Variants in MACROD2 observed in about 807,000 individuals in gnomAD.
MACROD2 encodes the protein mono-ADP ribosylhydrolase 2, also known as ADP-ribose glycohydrolase MACROD2.
Under a neutral mutation model 70.4 loss-of-function variants are expected in MACROD2, and 36 were observed. That is an observed-to-expected ratio of 0.51 (90% confidence interval 0.39 to 0.68). MACROD2 has a LOEUF of 0.68. Among genes scored for constraint, MACROD2 ranks in the 30% least tolerant of loss-of-function variants. The pLI, the probability that MACROD2 is intolerant of heterozygous loss-of-function variation, is 0.00. For missense variants in MACROD2, 496 were observed against 538.4 expected (o/e 0.92, Z 0.78); for synonymous variants, 172 against 178.8 (o/e 0.96, Z 0.30).
intron 8 of MACROD2, among the ~76,000 whole-genome samples, chr20:15,521,448 T>A (rs1281642633): frequency 6.6e-6 from 1 of 152,250 alleles, no homozygotes; most frequent in African/African-American, 2.4e-5. Flanking sequence ...GAAGTTGTTT[T>A]AAGCTTGAAG....
At chr20:15,732,258 A>C (rs2050955555) in intron 8 of MACROD2, among the ~76,000 whole-genome samples, 1 of 152,076 alleles carries the variant, frequency 6.6e-6, no homozygotes, top group Admixed American at 6.5e-5. Flanking sequence ...AAACCCAAAT[A>C]TGCATCCTGT....
intron 5 of MACROD2, among the ~76,000 whole-genome samples, chr20:15,199,053 G>C (rs904661740): frequency 6.3e-5 from 9 of 143,122 alleles, no homozygotes; most frequent in Non-Finnish European, 1.4e-4. Context: ...TTTAGATAGT[G>C]GCAACTGGAC....
At chr20:15,174,870 A>T (rs1053235055) in intron 5 of MACROD2, among the ~76,000 whole-genome samples, 26 of 151,584 alleles carry the variant, frequency 1.7e-4, no homozygotes, top group African/African-American at 6.1e-4. Context: ...TTTTCTTGTA[A>T]ATTTGTTTGA....
At chr20:15,030,613 A>G (rs975978456) in intron 5 of MACROD2, among the ~76,000 whole-genome samples, 4 of 152,138 alleles carry the variant, frequency 2.6e-5, no homozygotes, top group Non-Finnish European at 5.9e-5. Flanking sequence ...TTCCAAAGGC[A>G]TCCAAACTGA....
At chr20:14,432,640 A>T (rs949844453) in intron 3 of MACROD2, among the ~76,000 whole-genome samples, 20 of 152,156 alleles carry the variant, frequency 1.3e-4, no homozygotes, top group Non-Finnish European at 2.2e-4. Flanking sequence ...AGAGGTTTAA[A>T]TATATTGAAG....
intron 8 of MACROD2, among the ~76,000 whole-genome samples, chr20:15,808,465 G>T (rs941892673): frequency 6.6e-6 from 1 of 152,014 alleles, no homozygotes; most frequent in African/African-American, 2.4e-5. Context: ...ATATGTTTTT[G>T]AATTCTACAT....
chr20:15,226,158 G>T (rs995858421), intron 5 of MACROD2, among the ~76,000 whole-genome samples: 3 of 152,090 alleles, frequency 2.0e-5, no homozygotes, highest in Non-Finnish European at 4.4e-5. Flanking sequence ...TCCTTCTTTT[G>T]ACTTTGAATA....
chr20:14,526,786 C>T (rs2085238886), intron 4 of MACROD2, among the ~76,000 whole-genome samples: 1 of 152,174 alleles, frequency 6.6e-6, no homozygotes, highest in East Asian at 1.9e-4. Flanking sequence ...GGCTCCAAAC[C>T]CACGACAGTG....
intron 5 of MACROD2, among the ~76,000 whole-genome samples, chr20:15,203,222 T>A (rs199984931): frequency 6.6e-6 from 1 of 152,288 alleles, no homozygotes; most frequent in East Asian, 1.9e-4. Flanking sequence ...ATTAGTATAA[T>A]TTTTAACAAC....
chr20:14,723,879 G>A (rs1309878410), intron 5 of MACROD2, among the ~76,000 whole-genome samples: 5 of 151,946 alleles, frequency 3.3e-5, no homozygotes, highest in South Asian at 2.1e-4. Context: ...GTTTCCATGT[G>A]AAATGAATTA....
chr20:14,366,955 G>C (rs1225005604), intron 3 of MACROD2, among the ~76,000 whole-genome samples: 1 of 152,092 alleles, frequency 6.6e-6, no homozygotes, highest in Non-Finnish European at 1.5e-5. Flanking sequence ...TTTTCTGTAT[G>C]TCTTATAGCC....
At chr20:15,403,408 G>T (rs1438531394) in intron 6 of MACROD2, among the ~76,000 whole-genome samples, 5 of 151,580 alleles carry the variant, frequency 3.3e-5, no homozygotes, top group Non-Finnish European at 7.4e-5. Context: ...GAGAGAGAGA[G>T]AGAGAAAGAG....
chr20:14,279,967 AC>A (rs1412323025), intron 3 of MACROD2, among the ~76,000 whole-genome samples: 1 of 152,094 alleles, frequency 6.6e-6, no homozygotes, highest in African/African-American at 2.4e-5. Flanking sequence ...TTTCTATCCT[AC>A]CCTATGGGAT....
At chr20:14,805,837 C>T (rs1704997754) in intron 5 of MACROD2, among the ~76,000 whole-genome samples, 1 of 152,002 alleles carries the variant, frequency 6.6e-6, no homozygotes, top group South Asian at 2.1e-4. Context: ...GTGTTTGCTA[C>T]CCAGTTCACA....
chr20:14,918,986 T>C (rs1282538756), intron 5 of MACROD2, among the ~76,000 whole-genome samples: 1 of 152,204 alleles, frequency 6.6e-6, no homozygotes, highest in East Asian at 1.9e-4. Context: ...TTAAACTGAA[T>C]GCTTTGATGA....
At chr20:15,150,372 T>C (rs1212533186) in intron 5 of MACROD2, among the ~76,000 whole-genome samples, 1 of 151,892 alleles carries the variant, frequency 6.6e-6, no homozygotes, top group African/African-American at 2.4e-5. Flanking sequence ...AGTGTACAGG[T>C]TGGGCACCAC....
chr20:14,234,087 G>A (rs1263852419), intron 3 of MACROD2, among the ~76,000 whole-genome samples: 1 of 152,144 alleles, frequency 6.6e-6, no homozygotes, highest in Non-Finnish European at 1.5e-5. Flanking sequence ...TAAATCAGTT[G>A]TAACAAATGT....
At chr20:15,331,847 A>G (rs2077996040) in intron 6 of MACROD2, among the ~76,000 whole-genome samples, 1 of 151,432 alleles carries the variant, frequency 6.6e-6, no homozygotes, top group African/African-American at 2.4e-5. Flanking sequence ...CTCTAGGGTA[A>G]TTTTCAGATG....
At chr20:15,644,123 T>C (rs2049504635) in intron 8 of MACROD2, among the ~76,000 whole-genome samples, 1 of 152,054 alleles carries the variant, frequency 6.6e-6, no homozygotes, top group Admixed American at 6.5e-5. Context: ...ATCTTGTTCC[T>C]AAGAAGGAAA....
Sources: gnomAD v4.1 joint callset for allele counts (sites outside exome capture counted in the v4.1 genomes callset) on GRCh38, gnomAD v4.1.1 for gene constraint, MANE v1.5 for transcripts, NCBI Gene and HGNC (gene_info 2026-07-23, HGNC 2026-07-21) for gene names.